PLEKHH1: variants seen among roughly 807,000 people sequenced by gnomAD.
The protein encoded by PLEKHH1 is pleckstrin homology, MyTH4 and FERM domain containing H1.
PLEKHH1 carries 104 observed loss-of-function variants against 160.0 expected under a neutral mutation model. That is an observed-to-expected ratio of 0.65 (90% CI 0.55 to 0.76). The LOEUF (loss-of-function observed/expected upper bound fraction) is 0.76, where lower values mean the gene tolerates loss of function less well. Among genes scored for constraint, PLEKHH1 ranks in the 30% least tolerant of loss-of-function variants. The probability of loss-of-function intolerance (pLI) is 0.00; values close to 1 mark genes in which losing one functional copy is unlikely to be tolerated. For missense variants in PLEKHH1, 1,427 were observed against 1,724.1 expected, an observed-to-expected ratio of 0.83 and a Z score of 3.05; for synonymous variants, 619 against 678.4, an observed-to-expected ratio of 0.91 and a Z score of 1.36.
At chr14:67,563,113 G>C (rs1160693636) in intron 7 of PLEKHH1, among the ~76,000 whole-genome samples, 3 of 152,226 alleles carry the variant, frequency 2.0e-5, no homozygotes, top group Non-Finnish European at 4.4e-5. Context: ...CATTTCCTGA[G>C]TGCTCACCGT....
At chr14:67,586,353 T>C in intron 28 of PLEKHH1, 1 of 1,436,862 alleles carries the variant, frequency 7.0e-7, no homozygotes, top group South Asian at 1.2e-5. Context: ...ACTTTTTCTT[T>C]TTTATTCTCT....
Position 67,589,570 on chromosome 14 carries a change from T to C in PLEKHH1, c.*2335T>C, listed in dbSNP as rs2036304556. On this transcript the variant is annotated 3_prime_UTR_variant, in exon 29 of 29. Transcript: ENST00000329153. ...TTTTGGAAGATCTGTTTATTAACAG[T>C]AAATAAATAAGCCCTGTACAGAACA... The C allele has an allele frequency of 5.1e-6, 5 of 985,452 alleles. No individual in the cohort carries two copies. The highest frequency in any genetic ancestry group is 5.2e-4 in the Middle Eastern group (1 of 1,916). The allele number at this position is 985,452 out of a possible 1,614,324, so 61.0% of individuals were successfully genotyped here. A position where few individuals can be genotyped will look rare whatever the true frequency, so the allele number is the denominator to read the frequency against.
At chr14:67,552,925 A>G (rs1446611895) in intron 2 of PLEKHH1, among the ~76,000 whole-genome samples, 1 of 152,216 alleles carries the variant, frequency 6.6e-6, no homozygotes, top group African/African-American at 2.4e-5. Flanking sequence ...CAGTAATAGC[A>G]TGTGCATGGG....
In PLEKHH1 at chr14:67,582,116, T is replaced by G. The variant is rs1449980218; in HGVS notation, c.3332T>G (p.Leu1111Arg). The change falls in exon 24 of 29, where the codon CTG becomes CGG. Residue 1111 changes from leucine (L) to arginine (R), a missense_variant. This residue lies in a region of PLEKHH1 where 436 missense variants were observed against 607.5 expected (regional missense o/e 0.72). Coordinates refer to ENST00000329153, the MANE Select transcript of PLEKHH1 (RefSeq NM_020715.3). The surrounding 1 kb of genome is among the most constrained non-coding windows in gnomAD (Gnocchi z 5.0). ...AAAGGGGAGACGGACCGAGAACGGC[T>G]GCTCCTTGCCTCTCAAACCAGTAGA... is the stretch of plus-strand genomic sequence containing the variant. ...QVKGETDRERLLLASQTSREI... is the reference protein window; with the variant it reads ...QVKGETDRERRLLASQTSREI... 1 of 1,613,432 alleles carries G rather than the reference T, an allele frequency of 6.2e-7. No homozygotes were observed.
intron 4 of PLEKHH1, among the ~76,000 whole-genome samples, chr14:67,559,316 C>T (rs907787313): frequency 1.3e-5 from 2 of 152,162 alleles, no homozygotes; most frequent in African/African-American, 2.4e-5. Flanking sequence ...GATTTCTACT[C>T]CTCACTATTA....
At position 67,573,006 on chromosome 14, in the gene PLEKHH1, C is replaced by G. The variant is rs2035460432; in HGVS notation, c.1729-270C>G. Among the ~76,000 whole-genome samples, 1 of 152,214 alleles carries G rather than the reference C, an allele frequency of 6.6e-6. No homozygotes were observed. Among genetic ancestry groups the G allele is most frequent in the Admixed American group, 6.5e-5 (1 of 15,288 alleles). ...CGCTCTCCCTGGCCAGGCTCTCCCT[C>G]TAGCAGCCCCTGCTCTGCTACCTTC... is the stretch of plus-strand genomic sequence containing the variant. On this transcript the variant is annotated intron_variant, in intron 11 of 28. Transcript: ENST00000329153. This position sits in a 1 kb window ranked among gnomAD's most constrained non-coding sequence, Gnocchi z 4.8.
Position 67,582,373 on chromosome 14 carries a change from C to A in PLEKHH1, c.3426+163C>A. The stretch of plus-strand genomic sequence containing the variant: ...AGCAGCTGACTTCTACAGATCAGAG[C>A]TCCTCACTCACCGCAGATATAGGAT... On this transcript the variant is annotated intron_variant, in intron 24 of 28. Coordinates refer to ENST00000329153, the MANE Select transcript of PLEKHH1 (RefSeq NM_020715.3). The surrounding 1 kb of genome is among the most constrained non-coding windows in gnomAD (Gnocchi z 5.0). 2 of 1,218,150 alleles carry A rather than the reference C, an allele frequency of 1.6e-6. No homozygotes were observed. The highest frequency in any genetic ancestry group is 1.4e-5 in the South Asian group (1 of 72,724). 75.5% of individuals were successfully genotyped at this position (1,218,150 alleles called of 1,614,324 possible). A position where few individuals can be genotyped will look rare whatever the true frequency, so the allele number is the denominator to read the frequency against.
intron 28 of PLEKHH1, 56 bp from the exon 29 acceptor site, chr14:67,587,018 G>C: frequency 6.5e-7 from 1 of 1,533,294 alleles, no homozygotes; most frequent in Non-Finnish European, 8.8e-7. Context: ...AAGTAAGAAA[G>C]CCAGGATTCA....
intron 26 of PLEKHH1, among the ~76,000 whole-genome samples, chr14:67,584,683 T>C (rs1236754732): frequency 1.3e-5 from 2 of 152,174 alleles, no homozygotes; most frequent in African/African-American, 4.8e-5. Context: ...ATTCAACAAA[T>C]AGTTGAGCTC....
At chr14:67,535,295 A>G (rs954697702) in intron 1 of PLEKHH1, among the ~76,000 whole-genome samples, 3 of 151,300 alleles carry the variant, frequency 2.0e-5, no homozygotes, top group East Asian at 3.9e-4. Flanking sequence ...CTTTTGTTCA[A>G]TGTTCTAAAA....
intron 7 of PLEKHH1, among the ~76,000 whole-genome samples, chr14:67,564,004 C>A (rs2034967399): frequency 6.6e-6 from 1 of 151,544 alleles, no homozygotes; most frequent in Non-Finnish European, 1.5e-5. Flanking sequence ...CAGTTTCACG[C>A]CATTTTCCTG....
In PLEKHH1 at chr14:67,557,882, C is replaced by G. The variant is rs147524518; in HGVS notation, c.339+464C>G. ...TGTCGTGCCCTGCCAAGATGAGATA[C>G]TTGATACTTGGCTGTAGTATGATCA... On this transcript the variant is annotated intron_variant, in intron 4 of 28. Transcript: ENST00000329153. Among the ~76,000 whole-genome samples, 29 of 152,360 alleles carry G rather than the reference C, an allele frequency of 1.9e-4. No individual in the cohort carries two copies. The East Asian group carries it at 5.4e-3, about 28-fold the overall frequency.
chr14:67,565,779 C>T (rs146339867), intron 7 of PLEKHH1, among the ~76,000 whole-genome samples: 4 of 152,118 alleles, frequency 2.6e-5, no homozygotes, highest in Admixed American at 6.5e-5. Flanking sequence ...CACCACTGCT[C>T]GGGAGACCTG....
In PLEKHH1 at chr14:67,589,325, AT is replaced by A; in HGVS notation, c.*2093del. The stretch of plus-strand genomic sequence containing the variant: ...GAAACAAAGGATTCAATATTTGCTT[AT>A]TTATTCTTTGTTAACATGAGAGTCC... On this transcript the variant is annotated 3_prime_UTR_variant, in exon 29 of 29. Transcript: ENST00000329153. 2.0e-6 allele frequency: 2 copies of A among 978,652 alleles called. No homozygotes were observed. Among genetic ancestry groups the A allele is most frequent in the Non-Finnish European group, 2.4e-6 (2 of 823,822 alleles). 60.6% of individuals were successfully genotyped at this position (978,652 alleles called of 1,614,324 possible). A position where few individuals can be genotyped will look rare whatever the true frequency, so the allele number is the denominator to read the frequency against.
chr14:67,544,124 T>G (rs2034083036), intron 2 of PLEKHH1, among the ~76,000 whole-genome samples: 1 of 151,952 alleles, frequency 6.6e-6, no homozygotes, highest in Admixed American at 6.5e-5. Flanking sequence ...AATTTAAAAA[T>G]AAAAAATGGT....
rs757233924 is a variant in PLEKHH1 at position 67,559,661 on chromosome 14, C to A, written c.393C>A (p.Ile131=). The A allele has an allele frequency of 7.4e-5, 119 of 1,606,648 alleles. 1 individual carries two copies. The Middle Eastern group carries it at 8.2e-4, about 11-fold the overall frequency. ...CTGTTCAAGAAAAAGCTGCAAAGATCAAGGAATGGGTGACACTCAAGTTGG... is the reference window on the plus strand; with the variant it reads ...CTGTTCAAGAAAAAGCTGCAAAGATAAAGGAATGGGTGACACTCAAGTTGG... ...AKTVQEKAAK[I]KEWVTLKLAK... The change falls in exon 5 of 29, where the codon ATC becomes ATA. Residue 131 remains isoleucine, a synonymous_variant. Coordinates refer to ENST00000329153, the MANE Select transcript of PLEKHH1 (RefSeq NM_020715.3).
intron 4 of PLEKHH1, among the ~76,000 whole-genome samples, chr14:67,558,828 A>G (rs1234353459): frequency 6.6e-6 from 1 of 152,258 alleles, no homozygotes; most frequent in African/African-American, 2.4e-5. Context: ...TTTGTGGGCC[A>G]CAGGTCTCTG....
At chr14:67,586,463 G>GC (rs1381391142) in intron 28 of PLEKHH1, 16 of 1,263,822 alleles carry the variant, frequency 1.3e-5, no homozygotes, top group Non-Finnish European at 1.7e-5. Flanking sequence ...TAAGGTGCTC[G>GC]CATGTTACCC....
chr14:67,576,322 G>A lies in PLEKHH1; in HGVS notation c.2353-73G>A. On this transcript the variant is annotated intron_variant, in intron 16 of 28. Transcript: ENST00000329153. The surrounding 1 kb of genome is among the most constrained non-coding windows in gnomAD (Gnocchi z 4.0). ...CCCACATGGGCTTGGTCCCTTCAAG[G>A]AGTCCTCCTTGGAGCTCTTGCCTCC... 1 of 831,864 alleles carries A rather than the reference G, an allele frequency of 1.2e-6. No homozygotes were observed. The highest frequency in any genetic ancestry group is 2.0e-6 in the Non-Finnish European group (1 of 510,014). 51.5% of individuals were successfully genotyped at this position (831,864 alleles called of 1,614,324 possible).
Sources: gnomAD v4.1 joint callset for allele counts (sites outside exome capture counted in the v4.1 genomes callset) on GRCh38, gnomAD v4.1.1 for gene constraint, gnomAD v4.1.1 regional missense constraint, Gnocchi (gnomAD v3.1) non-coding constraint, MANE v1.5 for transcripts, NCBI Gene and HGNC (gene_info 2026-07-23, HGNC 2026-07-21) for gene names.